Variants in BBS4 observed in about 807,000 individuals in gnomAD.
BBS4 encodes the protein BBSome complex member BBS4.
Under a neutral mutation model 71.4 loss-of-function variants are expected in BBS4, and 58 were observed. The ratio of observed to expected loss-of-function variants is 0.81; its 90% CI spans 0.66 to 1.01. BBS4 has a LOEUF of 1.01. Ranked by LOEUF, BBS4 falls within the 50% of genes least tolerant of loss-of-function variation. The pLI is 0.00. For synonymous variants in BBS4, 228 were observed against 216.8 expected (o/e 1.05, Z -0.46); for missense variants, 660 against 607.9 (o/e 1.09, Z -0.90).
intron 7 of BBS4, among the ~76,000 whole-genome samples, chr15:72,724,159 T>C (rs1595936818): frequency 6.6e-6 from 1 of 152,186 alleles, no homozygotes; most frequent in African/African-American, 2.4e-5. Context: ...ATAGGGAAGG[T>C]TGTGCACTTG....
intron 3 of BBS4, among the ~76,000 whole-genome samples, chr15:72,711,443 C>G (rs2065370544): frequency 6.6e-6 from 1 of 152,224 alleles, no homozygotes; most frequent in African/African-American, 2.4e-5. Context: ...GCCACCGCGC[C>G]TGGCCACCAG....
At chr15:72,713,314 GACACACACACACACACACACAC>G (rs36072427) in intron 4 of BBS4, among the ~76,000 whole-genome samples, 14 of 143,438 alleles carry the variant, frequency 9.8e-5, no homozygotes, top group Admixed American at 8.4e-4. Context: ...AGGTCTTTGT[GACACACACACACACACACACAC>G]ACACACACAC....
At chr15:72,710,859 C>T (rs1014015764) in intron 3 of BBS4, among the ~76,000 whole-genome samples, 4 of 151,426 alleles carry the variant, frequency 2.6e-5, no homozygotes, top group East Asian at 3.9e-4. Context: ...GGCGCAATCT[C>T]GGCTCACTGC....
chr15:72,703,302 A>T (rs2065209618), intron 2 of BBS4, among the ~76,000 whole-genome samples: 1 of 152,014 alleles, frequency 6.6e-6, no homozygotes, highest in South Asian at 2.1e-4. Flanking sequence ...GATTTGTCTC[A>T]CCATTCCCTG....
chr15:72,721,046 G>T (rs1391034526), intron 6 of BBS4, among the ~76,000 whole-genome samples: 1 of 152,122 alleles, frequency 6.6e-6, no homozygotes, highest in Non-Finnish European at 1.5e-5. Context: ...TTTCTGCCTT[G>T]TCTCTCTCCA....
chr15:72,731,851 G>T, intron 12 of BBS4, 125 bp downstream of exon 12: 1 of 1,225,820 alleles, frequency 8.2e-7, no homozygotes, highest in South Asian at 1.3e-5. Flanking sequence ...TAGGAATCTG[G>T]ATTACTGTCC....
intron 3 of BBS4, among the ~76,000 whole-genome samples, chr15:72,711,142 C>A (rs1262117919): frequency 6.7e-6 from 1 of 149,600 alleles, no homozygotes. Flanking sequence ...AAGGCAGATA[C>A]CAGTATGAAT....
At chr15:72,693,268 A>G (rs1036515068) in intron 1 of BBS4, among the ~76,000 whole-genome samples, 9 of 152,236 alleles carry the variant, frequency 5.9e-5, no homozygotes, top group African/African-American at 9.6e-5. Context: ...TATTTTACCA[A>G]TTCCTTTGCT....
At chr15:72,698,056 T>C in intron 2 of BBS4, 1 of 455,928 alleles carries the variant, frequency 2.2e-6, no homozygotes, top group Non-Finnish European at 4.4e-6. Flanking sequence ...ACTGATTTAC[T>C]GCTTGAGTCT....
intron 2 of BBS4, chr15:72,697,846 T>G: frequency 2.5e-6 from 1 of 393,624 alleles, no homozygotes; most frequent in Non-Finnish European, 5.2e-6. Flanking sequence ...AGATTTCTGT[T>G]TGGTATTTTT....
At chr15:72,719,566 G>T (rs2065528547) in intron 6 of BBS4, among the ~76,000 whole-genome samples, 1 of 151,986 alleles carries the variant, frequency 6.6e-6, no homozygotes, top group African/African-American at 2.4e-5. Context: ...CTGAGCAGAA[G>T]AAGAGAACCC....
chr15:72,707,272 A>G (rs969255787), intron 2 of BBS4, among the ~76,000 whole-genome samples: 4 of 146,516 alleles, frequency 2.7e-5, no homozygotes, highest in Non-Finnish European at 4.5e-5. Flanking sequence ...TCCCCGCACC[A>G]GGTTCAAGTG....
At chr15:72,687,978 T>A (rs1426127118) in intron 1 of BBS4, among the ~76,000 whole-genome samples, 2 of 133,226 alleles carry the variant, frequency 1.5e-5, no homozygotes, top group African/African-American at 5.5e-5. Context: ...TACTGGGTTT[T>A]AAATATTAAA....
At chr15:72,734,558 TCTC>T (rs1442146492) in intron 12 of BBS4, among the ~76,000 whole-genome samples, 4 of 152,280 alleles carry the variant, frequency 2.6e-5, no homozygotes, top group South Asian at 2.1e-4. Flanking sequence ...TCTTCCTAGA[TCTC>T]CTCTTAGGTG....
At chr15:72,688,046 C>CAAA (rs199931617) in intron 1 of BBS4, among the ~76,000 whole-genome samples, 50 of 84,872 alleles carry the variant, frequency 5.9e-4, no homozygotes, top group Middle Eastern at 7.7e-3. Context: ...GACTCCGTCT[C>CAAA]AAAAAAAAAA....
intron 4 of BBS4, among the ~76,000 whole-genome samples, chr15:72,714,849 TA>T (rs1474437047): frequency 2.0e-5 from 3 of 152,222 alleles, no homozygotes; most frequent in African/African-American, 7.2e-5. Flanking sequence ...AATGTTACTT[TA>T]TCCTTTGCCA....
intron 2 of BBS4, among the ~76,000 whole-genome samples, chr15:72,709,224 G>C (rs1192587768): frequency 6.6e-6 from 1 of 152,184 alleles, no homozygotes; most frequent in Non-Finnish European, 1.5e-5. Context: ...GTGAGGCCCA[G>C]CTGTGAAATT....
chr15:72,731,841 T>C, intron 12 of BBS4, 115 bp downstream of exon 12: 1 of 1,274,410 alleles, frequency 7.8e-7, no homozygotes, highest in Admixed American at 1.9e-5. Flanking sequence ...AGAGATCCTG[T>C]AGGAATCTGG....
At chr15:72,735,066 T>A in intron 12 of BBS4, 47 bp from the exon 13 acceptor site, 1 of 1,437,834 alleles carries the variant, frequency 7.0e-7, no homozygotes, top group Non-Finnish European at 9.8e-7. Flanking sequence ...ATACTCCTTT[T>A]GTCTTCTAAG....
Sources: allele counts gnomAD v4.1 joint callset (sites outside exome capture counted in the v4.1 genomes callset), GRCh38; gene constraint gnomAD v4.1.1; transcripts MANE v1.5; gene names NCBI Gene and HGNC (gene_info 2026-07-23, HGNC 2026-07-21).